WWOX: variants seen among roughly 807,000 people sequenced by gnomAD.
WWOX encodes WW domain containing oxidoreductase.
WWOX carries 69 observed loss-of-function variants against 46.2 expected under a neutral mutation model. The observed-to-expected ratio is 1.49, with a 90% confidence interval of 1.23 to 1.82. WWOX has a LOEUF of 1.82. Ranked by LOEUF, WWOX falls within the 40% of genes most tolerant of loss-of-function variation. The probability of loss-of-function intolerance (pLI) is 0.00; values close to 1 mark genes in which losing one functional copy is unlikely to be tolerated. For synonymous variants in WWOX, 359 were observed against 202.6 expected, an observed-to-expected ratio of 1.77 and a Z score of -6.56; for missense variants, 919 against 542.6, an observed-to-expected ratio of 1.69 and a Z score of -6.89.
intron 8 of WWOX, among the ~76,000 whole-genome samples, chr16:79,034,439 A>G (rs2047826506): frequency 6.6e-6 from 1 of 152,150 alleles, no homozygotes; most frequent in Non-Finnish European, 1.5e-5. Flanking sequence ...TGGGCCTTGT[A>G]CTCTGGCCCT....
chr16:78,796,857 A>C (rs147297966), intron 8 of WWOX, among the ~76,000 whole-genome samples: 4 of 139,364 alleles, frequency 2.9e-5, no homozygotes, highest in African/African-American at 8.1e-5. Flanking sequence ...CCATAGTCTC[A>C]CTCTGTCACC....
At chr16:78,716,586 G>A (rs1034330637) in intron 8 of WWOX, among the ~76,000 whole-genome samples, 1 of 152,066 alleles carries the variant, frequency 6.6e-6, no homozygotes, top group Non-Finnish European at 1.5e-5. Context: ...GCCCCTGCCA[G>A]GCAAGTTCGT....
At chr16:78,578,314 G>C (rs1369907860) in intron 8 of WWOX, among the ~76,000 whole-genome samples, 5 of 36,692 alleles carry the variant, frequency 1.4e-4, no homozygotes, top group South Asian at 1.4e-3. Flanking sequence ...TTTTTGGTCG[G>C]AGTCTCACCC....
At chr16:78,108,603 C>A in intron 2 of WWOX, 116 bp downstream of exon 2, 1 of 1,114,156 alleles carries the variant, frequency 9.0e-7, no homozygotes, top group Non-Finnish European at 1.3e-6. Context: ...TGGTAGAGAA[C>A]CAGACTCCCA....
chr16:78,561,067 A>G (rs1468287274), intron 8 of WWOX, among the ~76,000 whole-genome samples: 3 of 152,298 alleles, frequency 2.0e-5, no homozygotes, highest in African/African-American at 7.2e-5. Context: ...ATCCACTGCC[A>G]AGCTCATTCA....
chr16:78,724,289 G>A (rs2048771632), intron 8 of WWOX, among the ~76,000 whole-genome samples: 1 of 152,172 alleles, frequency 6.6e-6, no homozygotes, highest in Non-Finnish European at 1.5e-5. Context: ...GTAAAATACA[G>A]TAGTTGGATT....
intron 8 of WWOX, among the ~76,000 whole-genome samples, chr16:79,122,481 CTT>C (rs1214063816): frequency 6.6e-6 from 1 of 151,984 alleles, no homozygotes; most frequent in Non-Finnish European, 1.5e-5. Flanking sequence ...CTTTCCTTCT[CTT>C]GCTATTTCCT....
rs543814273 is a variant in WWOX at position 78,863,746 on chromosome 16, A to G, written c.1057-347862A>G. On this transcript the variant is annotated intron_variant, in intron 8 of 8. Coordinates refer to ENST00000566780, the MANE Select transcript of WWOX (RefSeq NM_016373.4). ...CAAATGAATAAATTAATGGGTGGTC[A>G]CTGTACTAGTTTTCTATTGCTTCAT... is the stretch of plus-strand genomic sequence containing the variant. Among the ~76,000 whole-genome samples the G allele has an allele frequency of 1.1e-4, 17 of 152,350 alleles. No homozygotes were observed. In the East Asian group the frequency reaches 3.3e-3, roughly 29 times the overall value.
At chr16:78,333,264 T>G (rs540420015) in intron 5 of WWOX, among the ~76,000 whole-genome samples, 43 of 152,004 alleles carry the variant, frequency 2.8e-4, no homozygotes, top group African/African-American at 1.0e-3. Flanking sequence ...TGGCCAGGCT[T>G]GTCTCAACCC....
chr16:78,410,309 C>CT (rs1202176384), intron 6 of WWOX, among the ~76,000 whole-genome samples: 4 of 152,184 alleles, frequency 2.6e-5, no homozygotes, highest in Non-Finnish European at 5.9e-5. Context: ...GCAAGAATAG[C>CT]TTAACACACA....
chr16:78,148,112 C>G (rs1953849128), intron 4 of WWOX, among the ~76,000 whole-genome samples: 1 of 152,154 alleles, frequency 6.6e-6, no homozygotes, highest in Non-Finnish European at 1.5e-5. Flanking sequence ...ATATAGTGTG[C>G]TTACAAATTC....
chr16:78,664,149 C>A (rs552860443), intron 8 of WWOX, among the ~76,000 whole-genome samples: 1 of 152,148 alleles, frequency 6.6e-6, no homozygotes, highest in Non-Finnish European at 1.5e-5. Flanking sequence ...TTAAAGAGAG[C>A]AACTAAGGTG....
intron 8 of WWOX, among the ~76,000 whole-genome samples, chr16:79,031,826 A>G (rs1054859902): frequency 1.1e-4 from 12 of 110,920 alleles, no homozygotes; most frequent in Admixed American, 7.6e-4. Flanking sequence ...TATAATCTAT[A>G]TATGATATAT....
intron 5 of WWOX, among the ~76,000 whole-genome samples, chr16:78,325,642 C>T (rs2080593438): frequency 6.6e-6 from 1 of 152,216 alleles, no homozygotes; most frequent in Non-Finnish European, 1.5e-5. Context: ...CCGGCCTTCT[C>T]CGTTTGGCAG....
At chr16:78,123,954 C>G (rs2033245284) in intron 4 of WWOX, 1 of 152,088 alleles carries the variant, frequency 6.6e-6, no homozygotes, top group African/African-American at 2.4e-5. Flanking sequence ...TAATGTGAAG[C>G]AGATAGCCAG....
intron 8 of WWOX, among the ~76,000 whole-genome samples, chr16:78,640,839 T>G (rs2046689198): frequency 6.8e-6 from 1 of 147,338 alleles, no homozygotes; most frequent in Admixed American, 6.8e-5. Flanking sequence ...TTCGGGAGGG[T>G]GAGGCAGGGG....
chr16:78,576,006 G>C (rs2044870005), intron 8 of WWOX, among the ~76,000 whole-genome samples: 1 of 152,004 alleles, frequency 6.6e-6, no homozygotes, highest in Non-Finnish European at 1.5e-5. Context: ...GCATGTACTG[G>C]ATTATCATTT....
At chr16:78,930,687 G>A (rs1003271120) in intron 8 of WWOX, among the ~76,000 whole-genome samples, 1 of 151,252 alleles carries the variant, frequency 6.6e-6, no homozygotes, top group Non-Finnish European at 1.5e-5. Context: ...TTGAGTAAAT[G>A]TATCAAGGAC....
intron 5 of WWOX, chr16:78,237,813 T>G (rs1205753357): frequency 1.3e-5 from 2 of 152,262 alleles, no homozygotes; most frequent in Non-Finnish European, 2.9e-5. Flanking sequence ...TTCTCTCCTG[T>G]TATGTAAATA....
Sources: allele counts gnomAD v4.1 joint callset (sites outside exome capture counted in the v4.1 genomes callset), GRCh38; gene constraint gnomAD v4.1.1; transcripts MANE v1.5; gene names NCBI Gene and HGNC (gene_info 2026-07-23, HGNC 2026-07-21).